The following TECPR2 variants were observed in gnomAD, a reference collection of about 807,000 sequenced individuals.
The protein encoded by TECPR2 is tectonin beta-propeller repeat containing 2, also known as tectonin beta-propeller repeat-containing protein 2.
Under a neutral mutation model 138.1 loss-of-function variants are expected in TECPR2, and 65 were observed. The observed-to-expected ratio is 0.47, with a 90% CI of 0.39 to 0.58. The LOEUF (loss-of-function observed/expected upper bound fraction) is 0.58, where lower values mean the gene tolerates loss of function less well. Ranked by LOEUF, TECPR2 falls within the 20% of genes least tolerant of loss-of-function variation. The pLI is 0.00. For synonymous variants in TECPR2, 746 were observed against 749.8 expected, an observed-to-expected ratio of 0.99 and a Z score of 0.08; for missense variants, 1,553 against 1,824.5, an observed-to-expected ratio of 0.85 and a Z score of 2.71.
chr14:102,374,587 C>T (rs1021736026), intron 1 of TECPR2, among the ~76,000 whole-genome samples: 2 of 152,054 alleles, frequency 1.3e-5, no homozygotes, highest in Admixed American at 1.3e-4. Flanking sequence ...CATAGTGAAA[C>T]CCTCTCTATT....
intron 17 of TECPR2, among the ~76,000 whole-genome samples, chr14:102,479,038 A>T (rs1405071563): frequency 6.6e-6 from 1 of 152,010 alleles, no homozygotes; most frequent in Non-Finnish European, 1.5e-5. Context: ...AAAAAAGGAA[A>T]AAAAAAAGGA....
chr14:102,465,475 T>G (rs1595140245), intron 17 of TECPR2, 186 bp downstream of exon 17: 2 of 1,403,552 alleles, frequency 1.4e-6, no homozygotes, highest in East Asian at 2.5e-5. Context: ...TTGTGAAGTT[T>G]AGAGCTGAAC....
At chr14:102,425,723 A>C (rs1247905255) in intron 6 of TECPR2, among the ~76,000 whole-genome samples, 4 of 150,084 alleles carry the variant, frequency 2.7e-5, no homozygotes, top group Admixed American at 6.6e-5. Context: ...TTACAGACGC[A>C]TGCCACCACG....
At position 102,400,839 on chromosome 14, in the gene TECPR2, C is replaced by T. The variant is rs191538826; in HGVS notation, c.220-6499C>T. On this transcript the variant is annotated intron_variant, in intron 2 of 19. Transcript: ENST00000359520. The stretch of plus-strand genomic sequence containing the variant: ...ACGAGGTCAGGAGTTCAAGACTAGC[C>T]TGGCCAAGATGGTGTAACCCCGTCT... Among the ~76,000 whole-genome samples, 929 of 151,626 alleles carry T rather than the reference C, an allele frequency of 6.1e-3. 13 individuals are homozygous for T. Among genetic ancestry groups the T allele is most frequent in the African/African-American group, 0.022 (895 of 41,302 alleles).
intron 1 of TECPR2, among the ~76,000 whole-genome samples, chr14:102,369,784 AAC>A (rs768560084): frequency 0.026 from 3,805 of 147,674 alleles, 59 homozygotes; most frequent in Middle Eastern, 0.079. Flanking sequence ...TACTAAAAAA[AAC>A]AAAAAAACAA....
chr14:102,419,979 C>T lies in TECPR2; in HGVS notation c.639-5000C>T, dbSNP rs2139709576. Among the ~76,000 whole-genome samples, 1 of 152,282 alleles carries T rather than the reference C, an allele frequency of 6.6e-6. No homozygotes were observed. Among genetic ancestry groups the T allele is most frequent in the African/African-American group, 2.4e-5 (1 of 41,560 alleles). On this transcript the variant is annotated intron_variant, in intron 5 of 19. Transcript: ENST00000359520. The surrounding 1 kb of genome is among the most constrained non-coding windows in gnomAD (Gnocchi z 4.8). Reference sequence around the variant, plus strand: ...CGACTAGCACATCTGTTTGGATGGCCAGTGGGTGTTAGCTGTTGAGATCTC... The same window carrying T: ...CGACTAGCACATCTGTTTGGATGGCTAGTGGGTGTTAGCTGTTGAGATCTC...
At chr14:102,436,019 G>T (rs1889660706) in intron 9 of TECPR2, among the ~76,000 whole-genome samples, 1 of 152,228 alleles carries the variant, frequency 6.6e-6, no homozygotes, top group African/African-American at 2.4e-5. Context: ...CTAGCAGTGT[G>T]ACGCTTTGTC....
At chr14:102,451,649 A>G (rs1890145837) in intron 15 of TECPR2, among the ~76,000 whole-genome samples, 1 of 152,140 alleles carries the variant, frequency 6.6e-6, no homozygotes, top group African/African-American at 2.4e-5. Context: ...AACCTCTGGC[A>G]TACCCATTAG....
At chr14:102,408,779 T>C (rs1402209001) in intron 4 of TECPR2, among the ~76,000 whole-genome samples, 160 bp downstream of exon 4, 2 of 152,276 alleles carry the variant, frequency 1.3e-5, no homozygotes, top group Admixed American at 6.5e-5. Flanking sequence ...TTATGTTTTA[T>C]AAGCTTCCAC....
intron 2 of TECPR2, among the ~76,000 whole-genome samples, chr14:102,380,227 AT>A (rs1429307795): frequency 6.6e-6 from 1 of 151,314 alleles, no homozygotes; most frequent in Non-Finnish European, 1.5e-5. Context: ...CTTAAAATCC[AT>A]GCACAGAGGC....
chr14:102,445,370 A>G (rs1889945244), intron 12 of TECPR2, among the ~76,000 whole-genome samples: 1 of 151,156 alleles, frequency 6.6e-6, no homozygotes, highest in Non-Finnish European at 1.5e-5. Context: ...GGGGCCTTGG[A>G]TTGGCGGGGG....
At position 102,410,482 on chromosome 14, in the gene TECPR2, T is replaced by TAAAAAAAAAAAA. The variant is rs1184159632; in HGVS notation, c.480+1869_480+1870insAAAAAAAAAAAA. Reference sequence around the variant, plus strand: ...TAAAAAAATAAATTAAAAAAAAAAATAAAAAATAAAAAATAAAAAAATAAA... The same window carrying TAAAAAAAAAAAA: ...TAAAAAAATAAATTAAAAAAAAAAATAAAAAAAAAAAAAAAAAATAAAAAATAAAAAAATAAA... On this transcript the variant is annotated intron_variant, in intron 4 of 19. Coordinates refer to ENST00000359520, the MANE Select transcript of TECPR2 (RefSeq NM_014844.5). Among the ~76,000 whole-genome samples the TAAAAAAAAAAAA allele has an allele frequency of 8.0e-5, 5 of 62,630 alleles. No homozygotes were observed. The East Asian group carries it at 1.2e-3, about 14-fold the overall frequency. 41.1% of individuals were successfully genotyped at this position (62,630 alleles called of 152,430 possible).
chr14:102,464,995 A>G, intron 16 of TECPR2, 146 bp from the exon 17 acceptor site: 2 of 929,768 alleles, frequency 2.2e-6, no homozygotes, highest in Non-Finnish European at 3.2e-6. Flanking sequence ...GGACTAGGAC[A>G]GATCCGATGA....
rs1888285914 is a variant in TECPR2, at chr14:102,395,242, A to G, written c.220-12096A>G. On this transcript the variant is annotated intron_variant, in intron 2 of 19. Transcript: ENST00000359520. The stretch of plus-strand genomic sequence containing the variant: ...TTTAAGAGGGCTGGGACTGTGACCT[A>G]CTTTATTTTGTATTGTTATAGCAGC... Among the ~76,000 whole-genome samples, 4 of 152,178 alleles carry G rather than the reference A, an allele frequency of 2.6e-5. No individual in the cohort carries two copies. In the South Asian group the frequency reaches 8.3e-4, roughly 32 times the overall value.
At chr14:102,435,521 C>T (rs1480152987) in intron 9 of TECPR2, among the ~76,000 whole-genome samples, 1 of 152,200 alleles carries the variant, frequency 6.6e-6, no homozygotes, top group Non-Finnish European at 1.5e-5. Context: ...CATCGTAGGG[C>T]AGGGCTGAAT....
intron 1 of TECPR2, among the ~76,000 whole-genome samples, chr14:102,366,598 C>T (rs777818432): frequency 5.3e-5 from 8 of 152,170 alleles, no homozygotes; most frequent in Non-Finnish European, 7.3e-5. Context: ...CCTCCCACCT[C>T]GGCCTCCCAA....
intron 15 of TECPR2, among the ~76,000 whole-genome samples, chr14:102,451,525 C>G (rs1485400676): frequency 6.6e-6 from 1 of 152,168 alleles, no homozygotes; most frequent in South Asian, 2.1e-4. Flanking sequence ...CTGACCGGAT[C>G]TCACATAGCT....
intron 16 of TECPR2, among the ~76,000 whole-genome samples, chr14:102,461,291 G>A (rs1332362867): frequency 1.3e-5 from 2 of 152,144 alleles, no homozygotes; most frequent in Middle Eastern, 3.2e-3. Flanking sequence ...AATGAAATTT[G>A]TAATTTAATT....
chr14:102,411,734 A>AAAAAAAAAAAAAAAAG (rs1888876738), intron 4 of TECPR2, among the ~76,000 whole-genome samples: 1 of 141,110 alleles, frequency 7.1e-6, no homozygotes, highest in African/African-American at 2.6e-5. Flanking sequence ...AAAAAAAAGA[A>AAAAAAAAAAAAAAAAG]GATGGCTGGA....
Sources: gnomAD v4.1 joint callset for allele counts (sites outside exome capture counted in the v4.1 genomes callset) on GRCh38, gnomAD v4.1.1 for gene constraint, Gnocchi (gnomAD v3.1) non-coding constraint, MANE v1.5 for transcripts, NCBI Gene and HGNC (gene_info 2026-07-23, HGNC 2026-07-21) for gene names.